PTN: variants seen among roughly 807,000 people sequenced by gnomAD.
PTN encodes pleiotrophin.
Under a neutral mutation model 24.1 loss-of-function variants are expected in PTN, and 18 were observed. The observed-to-expected ratio is 0.75, with a 90% confidence interval of 0.52 to 1.11. PTN has a LOEUF of 1.11. Ranked by LOEUF, PTN falls within the 50% of genes least tolerant of loss-of-function variation. The pLI is 0.00. For missense variants in PTN, 163 were observed against 198.8 expected (o/e 0.82, Z 1.08); for synonymous variants, 78 against 68.6 (o/e 1.14, Z -0.67).
At chr7:137,280,725 A>AAAAAAAAAAAAAAAT (rs71176392) in intron 1 of PTN, among the ~76,000 whole-genome samples, 1 of 138,396 alleles carries the variant, frequency 7.2e-6, no homozygotes, top group Non-Finnish European at 1.6e-5. Context: ...AAAAAAAAAA[A>AAAAAAAAAAAAAAAT]GCTGAGTGTG....
chr7:137,262,302 A>G (rs997177622), intron 1 of PTN, among the ~76,000 whole-genome samples: 1 of 151,336 alleles, frequency 6.6e-6, no homozygotes, highest in Non-Finnish European at 1.5e-5. Context: ...TTTTATCTTC[A>G]ATTTATCTTA....
chr7:137,300,957 T>C (rs1809796488), intron 1 of PTN, among the ~76,000 whole-genome samples: 1 of 146,860 alleles, frequency 6.8e-6, no homozygotes, highest in Non-Finnish European at 1.5e-5. Flanking sequence ...CTTCCACCTC[T>C]ACCTTAAGCT....
intron 1 of PTN, among the ~76,000 whole-genome samples, chr7:137,333,398 A>C (rs973612968): frequency 7.2e-5 from 11 of 152,178 alleles, no homozygotes; most frequent in Non-Finnish European, 1.6e-4. Context: ...AGCCTGAGTG[A>C]AGATTTTCTG....
chr7:137,269,800 T>C (rs2128874212), intron 1 of PTN, among the ~76,000 whole-genome samples: 1 of 152,014 alleles, frequency 6.6e-6, no homozygotes, highest in African/African-American at 2.4e-5. Context: ...GCCCGGCTAA[T>C]TTTTGTACTC....
At chr7:137,287,767 G>A (rs1809579719) in intron 1 of PTN, 1 of 152,004 alleles carries the variant, frequency 6.6e-6, no homozygotes. Flanking sequence ...ATTGTGTCAA[G>A]AAAGAATAAA....
At chr7:137,259,591 T>A (rs1050996362) in intron 1 of PTN, among the ~76,000 whole-genome samples, 1 of 151,718 alleles carries the variant, frequency 6.6e-6, no homozygotes, top group African/African-American at 2.4e-5. Flanking sequence ...TTACTCTTAT[T>A]ACTTACTACA....
chr7:137,316,490 C>T (rs1810074525), intron 1 of PTN, among the ~76,000 whole-genome samples: 1 of 152,142 alleles, frequency 6.6e-6, no homozygotes, highest in South Asian at 2.1e-4. Context: ...ATGATTGCAT[C>T]TGTCAAGTGG....
intron 4 of PTN, chr7:137,236,173 C>G (rs1319783517): frequency 1.4e-6 from 1 of 702,402 alleles, no homozygotes; most frequent in Admixed American, 2.0e-5. Flanking sequence ...ATCCATCTCC[C>G]TTCACCCAAA....
intron 4 of PTN, among the ~76,000 whole-genome samples, chr7:137,241,258 C>G (rs1808623726): frequency 6.6e-6 from 1 of 152,188 alleles, no homozygotes; most frequent in African/African-American, 2.4e-5. Context: ...TGTCGGGAAA[C>G]AGAGCCATAT....
intron 1 of PTN, among the ~76,000 whole-genome samples, chr7:137,257,826 GAACT>G (rs1467402050): frequency 3.3e-5 from 5 of 152,204 alleles, no homozygotes; most frequent in Non-Finnish European, 5.9e-5. Context: ...ACTCTTGAGA[GAACT>G]TTCTGCCCAA....
chr7:137,324,634 C>T (rs892100265), intron 1 of PTN: 53 of 151,552 alleles, frequency 3.5e-4, no homozygotes, highest in African/African-American at 1.2e-3. Flanking sequence ...AATAACAAAA[C>T]GCCAACTTTA....
intron 1 of PTN, among the ~76,000 whole-genome samples, chr7:137,277,166 C>G (rs1344985287): frequency 1.3e-5 from 2 of 152,156 alleles, no homozygotes; most frequent in Non-Finnish European, 2.9e-5. Flanking sequence ...ACACAGATGG[C>G]AAATGAGCAT....
At chr7:137,238,001 G>A (rs541469979) in intron 4 of PTN, among the ~76,000 whole-genome samples, 21 of 152,266 alleles carry the variant, frequency 1.4e-4, no homozygotes, top group African/African-American at 4.3e-4. Flanking sequence ...ACACTAGGAC[G>A]CTAGAACAAT....
intron 1 of PTN, among the ~76,000 whole-genome samples, chr7:137,316,151 C>T (rs1406494681): frequency 6.6e-6 from 1 of 152,060 alleles, no homozygotes; most frequent in Non-Finnish European, 1.5e-5. Context: ...CTCTTAAGGC[C>T]GTTGTTGCTC....
intron 4 of PTN, among the ~76,000 whole-genome samples, chr7:137,229,169 T>C (rs927588623): frequency 6.6e-6 from 1 of 151,844 alleles, no homozygotes; most frequent in African/African-American, 2.4e-5. Flanking sequence ...CATGATACAA[T>C]AGCATGTGCT....
intron 4 of PTN, among the ~76,000 whole-genome samples, chr7:137,245,866 A>G (rs1808713788): frequency 6.6e-6 from 1 of 152,196 alleles, no homozygotes; most frequent in Non-Finnish European, 1.5e-5. Context: ...TAAGGAAAGA[A>G]TACGTTTGTT....
At chr7:137,248,403 T>C (rs1468334800) in intron 4 of PTN, among the ~76,000 whole-genome samples, 2 of 152,150 alleles carry the variant, frequency 1.3e-5, no homozygotes, top group Non-Finnish European at 2.9e-5. Context: ...AATATTCTTT[T>C]TTCCAGGCAC....
At chr7:137,260,319 T>C (rs1405748940) in intron 1 of PTN, among the ~76,000 whole-genome samples, 1 of 152,154 alleles carries the variant, frequency 6.6e-6, no homozygotes, top group Non-Finnish European at 1.5e-5. Context: ...ACACAAGTTA[T>C]AGAAAAACCA....
Position 137,343,484 on chromosome 7 carries a change from C to A in PTN, c.-47G>T, listed in dbSNP as rs1351868705. The A allele has an allele frequency of 5.8e-6, 3 of 518,620 alleles. No individual in the cohort carries two copies. Among genetic ancestry groups the A allele is most frequent in the Non-Finnish European group, 7.7e-6 (2 of 259,802 alleles). The allele number at this position is 518,620 out of a possible 1,614,324, so 32.1% of individuals were successfully genotyped here. A position where few individuals can be genotyped will look rare whatever the true frequency, so the allele number is the denominator to read the frequency against. The stretch of plus-strand genomic sequence containing the variant: ...TCTGGCGCTCAGTCTGCCTTTGTTG[C>A]AAGGGGCGAGGTTGCTACCGCTGAG... On this transcript the variant is annotated 5_prime_UTR_variant, in exon 1 of 5. Transcript: ENST00000348225.
Sources: gnomAD v4.1 joint callset for allele counts (sites outside exome capture counted in the v4.1 genomes callset) on GRCh38, gnomAD v4.1.1 for gene constraint, MANE v1.5 for transcripts, NCBI Gene and HGNC (gene_info 2026-07-23, HGNC 2026-07-21) for gene names.